KLC4: variants seen among roughly 807,000 people sequenced by gnomAD.
KLC4 encodes the protein kinesin-like protein 8.
In KLC4, 49 loss-of-function variants were observed where a neutral mutation model predicts 77.2. The ratio of observed to expected loss-of-function variants is 0.63; its 90% CI spans 0.50 to 0.80. The LOEUF (loss-of-function observed/expected upper bound fraction) is 0.80, where lower values mean the gene tolerates loss of function less well. Among genes scored for constraint, KLC4 ranks in the 30% least tolerant of loss-of-function variants. The probability of loss-of-function intolerance (pLI) is 0.00; values close to 1 mark genes in which losing one functional copy is unlikely to be tolerated. For missense variants in KLC4, 669 were observed against 793.5 expected, an observed-to-expected ratio of 0.84 and a Z score of 1.89; for synonymous variants, 274 against 314.5, an observed-to-expected ratio of 0.87 and a Z score of 1.36.
rs369556098 is a variant in KLC4, at chr6:43,061,313, C to T, written c.-23C>T. 16 of 1,611,568 alleles carry T rather than the reference C, an allele frequency of 9.9e-6. No individual in the cohort carries two copies. In the Middle Eastern group the frequency reaches 6.6e-4, roughly 67 times the overall value. The stretch of plus-strand genomic sequence containing the variant: ...TGAACTCTGTTGTTTCTCCCTAGAC[C>T]GGGCAAGGTCCCCCAGGCCAGGATG... On this transcript the variant is annotated splice_region_variant and 5_prime_UTR_variant, in exon 2 of 16. Coordinates refer to ENST00000347162, the MANE Select transcript of KLC4 (RefSeq NM_201521.3).
intron 4 of KLC4, 45 bp from the exon 5 acceptor site, chr6:43,066,261 A>G: frequency 6.5e-7 from 1 of 1,529,486 alleles, no homozygotes; most frequent in South Asian, 1.1e-5. Flanking sequence ...GCAGACAGCA[A>G]AGGGGAGAGG....
intron 7 of KLC4, 44 bp downstream of exon 7, chr6:43,070,499 T>G (rs765332438): frequency 6.6e-7 from 1 of 1,511,470 alleles, no homozygotes; most frequent in South Asian, 1.1e-5. Context: ...GCTGTGACCC[T>G]TCTCTACATG....
intron 5 of KLC4, 41 bp downstream of exon 5, chr6:43,066,566 A>G: frequency 2.6e-6 from 4 of 1,544,980 alleles, no homozygotes; most frequent in South Asian, 1.1e-5. Context: ...CTTCCCCCAC[A>G]TTCCCACCTT....
At position 43,064,987 on chromosome 6, in the gene KLC4, CAACGTA is replaced by C. The variant is rs1765340938; in HGVS notation, c.490-629_490-624del. ...AGGAGAGACAGGACAGACATACAAT[CAACGTA>C]AACACACAGAGATCAGCATAGGGCC... On this transcript the variant is annotated intron_variant, in intron 3 of 15. Transcript: ENST00000347162. 2.6e-5 allele frequency among the ~76,000 whole-genome samples: 4 copies of C among 152,186 alleles called. No homozygotes were observed. In the South Asian group the frequency reaches 8.3e-4, roughly 32 times the overall value.
intron 2 of KLC4, chr6:43,062,624 G>A (rs1765217966): frequency 6.7e-6 from 3 of 449,730 alleles, no homozygotes; most frequent in South Asian, 2.3e-5. Context: ...GCATCATCAG[G>A]TTGTTGGGTT....
At chr6:43,074,030 A>G (rs1765857955) in intron 15 of KLC4, 65 bp downstream of exon 15, 2 of 1,275,368 alleles carry the variant, frequency 1.6e-6, no homozygotes, top group Admixed American at 4.0e-5. Context: ...GAGCAAGCCC[A>G]GTGGAGTAAG....
intron 6 of KLC4, among the ~76,000 whole-genome samples, chr6:43,069,447 G>A (rs931505037): frequency 6.6e-6 from 1 of 152,150 alleles, no homozygotes. Context: ...TTTTCACCAT[G>A]TTGGTCAGGC....
rs926174922 is a variant in KLC4 at position 43,072,976 on chromosome 6, C to A, written c.1629+12C>A. 3.8e-6 allele frequency: 6 copies of A among 1,574,892 alleles called. No homozygotes were observed. The African/African-American group carries it at 8.2e-5, about 21-fold the overall frequency. ...TGGAGTGGTCCGGGGTAAGTCTGAT[C>A]ATTGCCTTTTCATCTCTCCTGCCCA... is the stretch of plus-strand genomic sequence containing the variant. On this transcript the variant is annotated intron_variant, in intron 13 of 15. Transcript: ENST00000347162.
intron 1 of KLC4, chr6:43,060,668 C>T: frequency 3.8e-6 from 4 of 1,060,062 alleles, no homozygotes; most frequent in South Asian, 4.9e-5. Flanking sequence ...CAGTCTGAGT[C>T]CTGGGGGGTG....
At position 43,070,799 on chromosome 6, in the gene KLC4, A is replaced by G. The variant is rs778552609; in HGVS notation, c.1089A>G (p.Ala363=). Residue 363 remains alanine, a synonymous_variant, in exon 8 of 16, where the codon GCA becomes GCG. Transcript: ENST00000347162. The part of the protein sequence containing the change: ...YEAVERYYQR[A]LAIYEGQLGP... Reference sequence around the variant, plus strand: ...CCGTGGAACGCTACTACCAGCGAGCACTGGCCATCTACGAGGGGCAGCTGG... The same window carrying G: ...CCGTGGAACGCTACTACCAGCGAGCGCTGGCCATCTACGAGGGGCAGCTGG... 3 of 1,613,958 alleles carry G rather than the reference A, an allele frequency of 1.9e-6. No homozygotes were observed. In the South Asian group the frequency reaches 3.3e-5, roughly 18 times the overall value.
chr6:43,061,933 G>C (rs975441138), intron 2 of KLC4, among the ~76,000 whole-genome samples: 8 of 152,152 alleles, frequency 5.3e-5, no homozygotes, highest in African/African-American at 7.2e-5. Flanking sequence ...TGTGGGGAGA[G>C]GGTATAATTT....
At chr6:43,072,466 T>C (rs1398422607) in intron 12 of KLC4, among the ~76,000 whole-genome samples, 2 of 152,162 alleles carry the variant, frequency 1.3e-5, no homozygotes, top group Non-Finnish European at 1.5e-5. Flanking sequence ...AGTTTCAAGA[T>C]TCACTAAATG....
chr6:43,069,952 T>C (rs73733795), intron 6 of KLC4, among the ~76,000 whole-genome samples: 1 of 152,124 alleles, frequency 6.6e-6, no homozygotes, highest in Non-Finnish European at 1.5e-5. Flanking sequence ...TGTCTTGATA[T>C]CCCATCAAAT....
At chr6:43,063,406 C>T (rs757972563) in intron 3 of KLC4, among the ~76,000 whole-genome samples, 8 of 152,222 alleles carry the variant, frequency 5.3e-5, no homozygotes, top group Non-Finnish European at 1.2e-4. Flanking sequence ...ATGGGGCACA[C>T]AGAGTTCCTG....
At chr6:43,066,234 C>A in intron 4 of KLC4, 72 bp from the exon 5 acceptor site, 2 of 1,259,168 alleles carry the variant, frequency 1.6e-6, no homozygotes, top group Non-Finnish European at 2.3e-6. Flanking sequence ...ACAAGACATG[C>A]AATGGGGAGT....
At chr6:43,060,884 GAC>G (rs1004142730) in intron 1 of KLC4, among the ~76,000 whole-genome samples, 1 of 151,918 alleles carries the variant, frequency 6.6e-6, no homozygotes, top group Non-Finnish European at 1.5e-5. Context: ...GTTTTTTCTA[GAC>G]CCCTGCATTA....
chr6:43,062,561 G>T, intron 2 of KLC4: 1 of 267,464 alleles, frequency 3.7e-6, no homozygotes, highest in Non-Finnish European at 7.3e-6. Flanking sequence ...TACTTTGAGC[G>T]AGATGGAAAC....
chr6:43,071,585 G>A lies in KLC4; in HGVS notation c.1274G>A (p.Trp425Ter). 6.2e-7 allele frequency: 1 copy of A among 1,613,734 alleles called. No homozygotes were observed. Among genetic ancestry groups the A allele is most frequent in the South Asian group, 1.1e-5 (1 of 91,036 alleles). The change falls in exon 10 of 16, where the codon TGG becomes TAG. Residue 425 changes from tryptophan to a stop codon, truncating the protein, a stop_gained. Transcript: ENST00000347162. LOFTEE classifies it high-confidence loss of function. ...CCCCTAGATGACCACAAGCCCATCT[G>A]GATGCATGCAGAGGAGCGGGAGGAA... ...GSVDDDHKPI[W>*]MHAEEREEMS...
At chr6:43,073,784 T>C in intron 14 of KLC4, 118 bp from the exon 15 acceptor site, 2 of 833,184 alleles carry the variant, frequency 2.4e-6, no homozygotes, top group Non-Finnish European at 4.1e-6. Flanking sequence ...GGGCCAGCCA[T>C]GGAGAGAGAG....
Sources: gnomAD v4.1 joint callset for allele counts (sites outside exome capture counted in the v4.1 genomes callset) on GRCh38, gnomAD v4.1.1 for gene constraint, MANE v1.5 for transcripts, NCBI Gene and HGNC (gene_info 2026-07-23, HGNC 2026-07-21) for gene names.